Variants in SLC2A5 observed in about 807,000 individuals in gnomAD.
SLC2A5 encodes the protein solute carrier family 2, facilitated glucose transporter member 5.
A neutral mutation model predicts 50.3 loss-of-function variants in SLC2A5; 56 were observed. The observed-to-expected ratio is 1.11, with a 90% confidence interval of 0.90 to 1.39. SLC2A5 has a LOEUF of 1.39. Among genes scored for constraint, SLC2A5 ranks in the 40% most tolerant of loss-of-function variants. The pLI is 0.00. For missense variants in SLC2A5, 566 were observed against 650.1 expected, an observed-to-expected ratio of 0.87 and a Z score of 1.41; for synonymous variants, 269 against 281.9, an observed-to-expected ratio of 0.95 and a Z score of 0.46.
chr1:9,040,342 T>C lies in SLC2A5; in HGVS notation c.572-153A>G. 1 of 913,154 alleles carries C rather than the reference T, an allele frequency of 1.1e-6. No homozygotes were observed. The highest frequency in any genetic ancestry group is 2.7e-5 in the East Asian group (1 of 37,036). The allele number at this position is 913,154 out of a possible 1,614,324, so 56.6% of individuals were successfully genotyped here. A position where few individuals can be genotyped will look rare whatever the true frequency, so the allele number is the denominator to read the frequency against. ...CCCTAAGAACAGCAACTCCCGACGG[T>C]GGACACTCGGGAAACACCTGCAGCA... On this transcript the variant is annotated intron_variant, in intron 5 of 11. Transcript: ENST00000377424. This position sits in a 1 kb window ranked among gnomAD's most constrained non-coding sequence, Gnocchi z 4.3.
At position 9,039,996 on chromosome 1, in the gene SLC2A5, A is replaced by T; in HGVS notation, c.698-9T>A. The T allele has an allele frequency of 6.2e-7, 1 of 1,601,774 alleles. No individual in the cohort carries two copies. The highest frequency in any genetic ancestry group is 8.5e-7 in the Non-Finnish European group (1 of 1,171,768). On this transcript the variant is annotated splice_polypyrimidine_tract_variant and intron_variant, in intron 6 of 11. Coordinates refer to ENST00000377424, the MANE Select transcript of SLC2A5 (RefSeq NM_003039.3). Reference sequence around the variant, plus strand: ...GCGCAGCGTCTGTAGGGCTGGGGAGAAGCGGCACCGTCGGACCAGGGCTGG... The same window carrying T: ...GCGCAGCGTCTGTAGGGCTGGGGAGTAGCGGCACCGTCGGACCAGGGCTGG...
chr1:9,070,917 CCTGT>C (rs755905848), upstream of SLC2A5, among the ~76,000 whole-genome samples: 246 of 152,150 alleles, frequency 1.6e-3, 3 homozygotes, highest in Admixed American at 1.7e-3. Context: ...CCAGCTACTG[CCTGT>C]CTTTTTCTTC....
chr1:9,039,384 C>T (rs1641228978), intron 8 of SLC2A5, among the ~76,000 whole-genome samples, 168 bp downstream of exon 8: 1 of 152,234 alleles, frequency 6.6e-6, no homozygotes, highest in Admixed American at 6.5e-5. Flanking sequence ...TCGGCAGCCC[C>T]AAGTGTGAGG....
intron 1 of SLC2A5, chr1:9,085,159 G>C (rs574446245): frequency 6.6e-6 from 1 of 152,418 alleles, no homozygotes; most frequent in Non-Finnish European, 1.5e-5. Flanking sequence ...TTGATGAAAA[G>C]AGTCAAACTG....
intron 1 of SLC2A5, among the ~76,000 whole-genome samples, chr1:9,061,989 T>G (rs1569892132): frequency 6.6e-6 from 1 of 152,222 alleles, no homozygotes; most frequent in Admixed American, 6.5e-5. Context: ...CCCTCCATTC[T>G]TTCACTGCCT....
chr1:9,037,926 T>A lies in SLC2A5; in HGVS notation c.1273A>T (p.Thr425Ser). Residue 425 changes from threonine (T) to serine (S), a missense_variant, in exon 11 of 12, where the codon ACC becomes TCC. Physicochemically the swap from Thr to Ser is moderately conservative, Grantham distance 58. Coordinates refer to ENST00000377424, the MANE Select transcript of SLC2A5 (RefSeq NM_003039.3). ...GGSVHWLSNF[T>S]VGLIFPFIQE... is the part of the protein sequence containing the mutation. ...ATGAACGGGAAGATCAAGCCCACGG[T>A]GAAGTTGGAGAGCCAGTGCACACTG... 2 of 1,613,780 alleles carry A rather than the reference T, an allele frequency of 1.2e-6. No individual in the cohort carries two copies. The highest frequency in any genetic ancestry group is 1.7e-6 in the Non-Finnish European group (2 of 1,179,982).
chr1:9,060,176 C>A (rs903100953), intron 1 of SLC2A5, among the ~76,000 whole-genome samples: 16 of 148,302 alleles, frequency 1.1e-4, no homozygotes, highest in Non-Finnish European at 2.1e-4. Context: ...ACTACATACA[C>A]AATACACACA....
rs1415526944 is a variant in SLC2A5 at position 9,036,009 on chromosome 1, G to A, written c.*1577C>T. 2.0e-5 allele frequency: 3 copies of A among 152,274 alleles called. No individual in the cohort carries two copies. The highest frequency in any genetic ancestry group is 1.9e-4 in the East Asian group (1 of 5,180). The allele number at this position is 152,274 out of a possible 1,614,324, so 9.4% of individuals were successfully genotyped here. A position where few individuals can be genotyped will look rare whatever the true frequency, so the allele number is the denominator to read the frequency against. ...ACAGGGTCCCTCCCAGAACACATGG[G>A]AATTATGGGAGCTACAATTCAAGAT... On this transcript the variant is annotated 3_prime_UTR_variant, in exon 12 of 12. Transcript: ENST00000377424.
intron 2 of SLC2A5, among the ~76,000 whole-genome samples, chr1:9,082,302 C>T (rs1195737085): frequency 6.6e-6 from 1 of 152,132 alleles, no homozygotes; most frequent in Non-Finnish European, 1.5e-5. Flanking sequence ...TACATGTACA[C>T]ATATGTTCGT....
chr1:9,061,267 G>A (rs372426294), intron 1 of SLC2A5, among the ~76,000 whole-genome samples: 16 of 125,382 alleles, frequency 1.3e-4, no homozygotes, highest in African/African-American at 4.6e-4. Context: ...GGGTGACAGT[G>A]CAAGACCCTG....
chr1:9,082,142 T>C (rs990790090), intron 2 of SLC2A5, among the ~76,000 whole-genome samples: 2 of 152,100 alleles, frequency 1.3e-5, no homozygotes, highest in Non-Finnish European at 2.9e-5. Flanking sequence ...CACTTGTACC[T>C]TGCCGATGGG....
intron 2 of SLC2A5, chr1:9,082,698 G>A (rs775167628): frequency 1.4e-4 from 39 of 269,714 alleles, no homozygotes; most frequent in Middle Eastern, 1.2e-3. Flanking sequence ...GCAGATTGAT[G>A]GTCTGGGGAA....
At position 9,058,537 on chromosome 1, in the gene SLC2A5, C is replaced by A. The variant is rs12145292; in HGVS notation, c.34-287G>T. ...GTGCCAGTAGCACCCCTCTCCCCAG[C>A]TGCGACAACCCAAATGTCTTCCAAC... On this transcript the variant is annotated intron_variant, in intron 1 of 11. Transcript: ENST00000377424. Among the ~76,000 whole-genome samples, 46,896 of 152,040 alleles carry A rather than the reference C, an allele frequency of 0.31. 7,859 individuals carry two copies. The highest frequency in any genetic ancestry group is 0.62 in the East Asian group (3,194 of 5,150).
At chr1:9,090,693 C>A (rs975890994), upstream of SLC2A5, among the ~76,000 whole-genome samples, 16 of 152,182 alleles carry the variant, frequency 1.1e-4, no homozygotes, top group Admixed American at 4.6e-4. Context: ...CTCTCAAAAT[C>A]TTTTTGCTCT....
intron 1 of SLC2A5, among the ~76,000 whole-genome samples, chr1:9,066,983 T>TAA (rs58819432): frequency 2.7e-5 from 3 of 110,184 alleles, no homozygotes; most frequent in Non-Finnish European, 6.0e-5. Context: ...GTCTCAAAAT[T>TAA]AAAAAAAAAA....
At chr1:9,071,922 G>GGCCTCTGCCTCAGCCCGGA (rs1642221403), upstream of SLC2A5, 1 of 111,580 alleles carries the variant, frequency 9.0e-6, no homozygotes, top group African/African-American at 2.7e-5. Context: ...CTCAGCCCGG[G>GGCCTCTGCCTCAGCCCGGA]TCCCCCTCGG....
At chr1:9,046,190 G>A (rs77930825) in intron 4 of SLC2A5, among the ~76,000 whole-genome samples, 2,259 of 152,168 alleles carry the variant, frequency 0.015, 57 homozygotes, top group African/African-American at 0.05. Context: ...GCTCCCTCAA[G>A]GGGCCCACTC....
intron 4 of SLC2A5, 147 bp downstream of exon 4, chr1:9,047,463 A>G: frequency 4.2e-6 from 3 of 713,804 alleles, no homozygotes; most frequent in Non-Finnish European, 6.9e-6. Flanking sequence ...AGAACCAGGT[A>G]GGGCTCAACC....
At chr1:9,051,742 G>GGATAATAAAAAAAAAA (rs1557669000) in intron 3 of SLC2A5, among the ~76,000 whole-genome samples, 4 of 152,138 alleles carry the variant, frequency 2.6e-5, no homozygotes, top group Non-Finnish European at 4.4e-5. Flanking sequence ...TTAAACATAT[G>GGATAATAAAAAAAAAA]CTTATCTGTA....
Sources: gnomAD v4.1 joint callset for allele counts (sites outside exome capture counted in the v4.1 genomes callset) on GRCh38, gnomAD v4.1.1 for gene constraint, Gnocchi (gnomAD v3.1) non-coding constraint, MANE v1.5 for transcripts, NCBI Gene and HGNC (gene_info 2026-07-23, HGNC 2026-07-21) for gene names.